MITF: variants seen among roughly 807,000 people sequenced by gnomAD.
The protein encoded by MITF is melanocyte inducing transcription factor.
A neutral mutation model predicts 60.5 loss-of-function variants in MITF; 17 were observed. That is an observed-to-expected ratio of 0.28 (90% CI 0.19 to 0.42). The LOEUF is 0.42. Among genes scored for constraint, MITF ranks in the 10% least tolerant of loss-of-function variants. The probability of loss-of-function intolerance (pLI) is 1.00; values close to 1 mark genes in which losing one functional copy is unlikely to be tolerated. For synonymous variants in MITF, 260 were observed against 248.5 expected, an observed-to-expected ratio of 1.05 and a Z score of -0.43; for missense variants, 622 against 683.5, an observed-to-expected ratio of 0.91 and a Z score of 1.00.
At chr3:69,909,767 C>T (rs1294884956) in intron 2 of MITF, among the ~76,000 whole-genome samples, 1 of 152,164 alleles carries the variant, frequency 6.6e-6, no homozygotes, top group African/African-American at 2.4e-5. Flanking sequence ...GAAGAAATTT[C>T]TAAGCAGCAA....
At chr3:69,758,079 T>C (rs2062156034) in intron 1 of MITF, among the ~76,000 whole-genome samples, 1 of 143,032 alleles carries the variant, frequency 7.0e-6, no homozygotes. Context: ...ACTCATAAAG[T>C]ATATATATAA....
intron 1 of MITF, among the ~76,000 whole-genome samples, chr3:69,812,980 G>C (rs950523124): frequency 2.0e-5 from 3 of 152,078 alleles, no homozygotes; most frequent in African/African-American, 7.2e-5. Flanking sequence ...CTCTGAGAAA[G>C]GTAATGATAT....
At chr3:69,876,445 C>G (rs918845513) in intron 1 of MITF, among the ~76,000 whole-genome samples, 5 of 150,230 alleles carry the variant, frequency 3.3e-5, no homozygotes, top group African/African-American at 1.2e-4. Flanking sequence ...TGCCCCTCAT[C>G]ACAGCTCTCC....
intron 7 of MITF, among the ~76,000 whole-genome samples, chr3:69,954,584 T>C (rs1220085544): frequency 6.6e-6 from 1 of 152,142 alleles, no homozygotes; most frequent in Non-Finnish European, 1.5e-5. Flanking sequence ...TCTGGCTTGC[T>C]TGAGGAATAG....
Position 69,959,369 on chromosome 3 carries a change from C to T in MITF, c.1128C>T (p.Asn376=), listed in dbSNP as rs2107537639. 1 of 1,613,972 alleles carries T rather than the reference C, an allele frequency of 6.2e-7. No homozygotes were observed. The highest frequency in any genetic ancestry group is 8.5e-7 in the Non-Finnish European group (1 of 1,179,922). Residue 376 remains asparagine, a synonymous_variant, in exon 9 of 10, where the codon AAC becomes AAT. Coordinates refer to ENST00000352241, the MANE Select transcript of MITF (RefSeq NM_001354604.2). ...REQQRAKELE[N]RQKKLEHANR... ...AGCAACGCGCAAAAGAACTTGAAAA[C>T]CGACAGAAGAAACTGGAGCACGCCA...
chr3:69,821,365 T>G (rs1300150222), intron 1 of MITF, among the ~76,000 whole-genome samples: 1 of 152,156 alleles, frequency 6.6e-6, no homozygotes, highest in African/African-American at 2.4e-5. Flanking sequence ...TTTTGTGGGT[T>G]GCTGCCCTCC....
intron 1 of MITF, among the ~76,000 whole-genome samples, chr3:69,766,528 CTT>C (rs1286278654): frequency 6.6e-6 from 1 of 151,684 alleles, no homozygotes; most frequent in Non-Finnish European, 1.5e-5. Context: ...CACCTAGCCT[CTT>C]TATCATTTTG....
intron 1 of MITF, among the ~76,000 whole-genome samples, chr3:69,740,722 A>G (rs576156744): frequency 6.6e-6 from 1 of 152,332 alleles, no homozygotes; most frequent in African/African-American, 2.4e-5. Context: ...CCACCCCTCT[A>G]AGCTGTGAGC....
At chr3:69,904,372 C>A (rs1303690197) in intron 2 of MITF, among the ~76,000 whole-genome samples, 1 of 152,096 alleles carries the variant, frequency 6.6e-6, no homozygotes, top group Non-Finnish European at 1.5e-5. Flanking sequence ...TGTGAATTTG[C>A]CCATACCAGG....
chr3:69,794,789 A>AT (rs1378704515), intron 1 of MITF, among the ~76,000 whole-genome samples: 1 of 152,220 alleles, frequency 6.6e-6, no homozygotes, highest in Non-Finnish European at 1.5e-5. Context: ...GAAAGAATCC[A>AT]TTAGTCTGAC....
chr3:69,783,487 G>GAT (rs149413358), intron 1 of MITF, among the ~76,000 whole-genome samples: 56,201 of 145,620 alleles, frequency 0.39, 10,848 homozygotes, highest in East Asian at 0.56. Flanking sequence ...TGATATGTAG[G>GAT]ATATATATAT....
At chr3:69,868,338 G>A (rs1242441051) in intron 1 of MITF, among the ~76,000 whole-genome samples, 2 of 152,312 alleles carry the variant, frequency 1.3e-5, no homozygotes, top group Non-Finnish European at 2.9e-5. Context: ...ATACAGCTAA[G>A]AAATGACAGG....
At chr3:69,757,878 C>A (rs2062150223) in intron 1 of MITF, among the ~76,000 whole-genome samples, 1 of 151,306 alleles carries the variant, frequency 6.6e-6, no homozygotes, top group Non-Finnish European at 1.5e-5. Flanking sequence ...AAACTTGAAC[C>A]AGTGTTGCCT....
chr3:69,899,314 C>G (rs115998866), intron 2 of MITF, among the ~76,000 whole-genome samples: 380 of 152,294 alleles, frequency 2.5e-3, no homozygotes, highest in Non-Finnish European at 4.6e-3. Context: ...GAATTGTGCA[C>G]TACAAGGCTA....
In MITF at chr3:69,835,210, G is replaced by A. The variant is rs574026934; in HGVS notation, c.105-43924G>A. On this transcript the variant is annotated intron_variant, in intron 1 of 9. Transcript: ENST00000352241. ...TTTTTGTAGTTTTTGTAGAGACCGG[G>A]TGTTGCCACGTTGCCGAGACTGGTC... Among the ~76,000 whole-genome samples, 20 of 151,974 alleles carry A rather than the reference G, an allele frequency of 1.3e-4. 1 individual carries two copies. The South Asian group carries it at 3.9e-3, about 30-fold the overall frequency.
rs374114690 is a variant in MITF, at chr3:69,750,087, G to A, written c.104+10386G>A. ...TGGCAAGGACAATTAATTGGGGTTT[G>A]TTTTTGGGAATCAATGATACCACAT... On this transcript the variant is annotated intron_variant, in intron 1 of 9. Transcript: ENST00000352241. 3.9e-4 allele frequency among the ~76,000 whole-genome samples: 60 copies of A among 152,252 alleles called. No homozygotes were observed. The South Asian group carries it at 0.012, about 32-fold the overall frequency.
chr3:69,962,567 T>A (rs888380193), intron 9 of MITF, among the ~76,000 whole-genome samples: 5 of 152,106 alleles, frequency 3.3e-5, no homozygotes, highest in Non-Finnish European at 1.5e-5. Flanking sequence ...ATATGGAGAG[T>A]CCTTCCCCTC....
chr3:69,862,284 G>A (rs1353279695), intron 1 of MITF, among the ~76,000 whole-genome samples: 2 of 152,132 alleles, frequency 1.3e-5, no homozygotes, highest in Non-Finnish European at 2.9e-5. Flanking sequence ...GCTTCTGATA[G>A]GAAGACAGGT....
chr3:69,906,723 T>C (rs577702408), intron 2 of MITF, among the ~76,000 whole-genome samples: 1 of 152,146 alleles, frequency 6.6e-6, no homozygotes, highest in African/African-American at 2.4e-5. Flanking sequence ...AATTAAACCC[T>C]GGTAGATTCT....
Sources: gnomAD v4.1 joint callset for allele counts (sites outside exome capture counted in the v4.1 genomes callset) on GRCh38, gnomAD v4.1.1 for gene constraint, MANE v1.5 for transcripts, NCBI Gene and HGNC (gene_info 2026-07-23, HGNC 2026-07-21) for gene names.